The following FAM24B variants were observed in gnomAD, a reference collection of about 807,000 sequenced individuals.
FAM24B encodes family with sequence similarity 24 member B.
In FAM24B, 3 loss-of-function variants were observed where a neutral mutation model predicts 2.3. The ratio of observed to expected loss-of-function variants is 1.29; its 90% CI spans 0.59 to 3.32. FAM24B has a LOEUF of 3.32. Ranked by LOEUF, FAM24B falls within the 30% of genes most tolerant of loss-of-function variation. The pLI is 0.03. For synonymous variants in FAM24B, 36 were observed against 46.3 expected (o/e 0.78, Z 0.90); for missense variants, 98 against 117.2 (o/e 0.84, Z 0.76).
chr10:122,873,392 G>C (rs1251811684), intron 1 of FAM24B, among the ~76,000 whole-genome samples: 1 of 152,212 alleles, frequency 6.6e-6, no homozygotes, highest in African/African-American at 2.4e-5. Context: ...CAACACATTG[G>C]TTTACTGAAT....
chr10:122,871,315 T>C (rs1197045467), intron 1 of FAM24B, among the ~76,000 whole-genome samples: 4 of 152,218 alleles, frequency 2.6e-5, no homozygotes, highest in East Asian at 1.9e-4. Flanking sequence ...GAACATTCCA[T>C]GCTCATGGGT....
intron 1 of FAM24B, among the ~76,000 whole-genome samples, chr10:122,879,138 T>C (rs536292711): frequency 1.3e-5 from 2 of 152,304 alleles, no homozygotes; most frequent in Admixed American, 6.5e-5. Flanking sequence ...TTTCTCAACC[T>C]TCTGATTTCT....
At chr10:122,856,222 C>G (rs1847634907) in intron 1 of FAM24B, among the ~76,000 whole-genome samples, 1 of 152,202 alleles carries the variant, frequency 6.6e-6, no homozygotes, top group South Asian at 2.1e-4. Flanking sequence ...CAAGGAGACA[C>G]AATCAGCACA....
intron 1 of FAM24B, among the ~76,000 whole-genome samples, chr10:122,866,653 G>A (rs1847808567): frequency 6.6e-6 from 1 of 151,900 alleles, no homozygotes; most frequent in Admixed American, 6.6e-5. Context: ...AGCAATCTTT[G>A]ATGTTACTAT....
chr10:122,871,866 C>T (rs945648390), intron 1 of FAM24B, among the ~76,000 whole-genome samples: 3 of 152,296 alleles, frequency 2.0e-5, no homozygotes, highest in African/African-American at 7.2e-5. Flanking sequence ...CCATTCAGGA[C>T]ATAGGCATGG....
chr10:122,868,457 G>A (rs1163758183), intron 1 of FAM24B, among the ~76,000 whole-genome samples: 2 of 152,104 alleles, frequency 1.3e-5, no homozygotes, highest in South Asian at 4.1e-4. Context: ...TCCTGGAGAA[G>A]AGCAACTCCA....
chr10:122,870,946 C>A (rs531572043), intron 1 of FAM24B, among the ~76,000 whole-genome samples: 1 of 152,096 alleles, frequency 6.6e-6, no homozygotes, highest in Non-Finnish European at 1.5e-5. Flanking sequence ...GGCAATCAGG[C>A]AGAAGAAGGA....
intron 3 of FAM24B, among the ~76,000 whole-genome samples, 159 bp from the exon 4 acceptor site, chr10:122,849,598 C>T (rs949383005): frequency 3.9e-5 from 6 of 152,036 alleles, no homozygotes; most frequent in Admixed American, 3.9e-4. Context: ...AAGTTCCTCT[C>T]GAATCCTTTC....
chr10:122,858,352 A>G (rs1285083077), intron 1 of FAM24B, among the ~76,000 whole-genome samples: 1 of 147,406 alleles, frequency 6.8e-6, no homozygotes, highest in Admixed American at 6.8e-5. Flanking sequence ...GAACTGAACG[A>G]TGAGAACACT....
intron 1 of FAM24B, among the ~76,000 whole-genome samples, chr10:122,866,197 C>T (rs774565541): frequency 7.9e-5 from 12 of 152,048 alleles, no homozygotes; most frequent in Non-Finnish European, 1.3e-4. Flanking sequence ...CCACTGCACC[C>T]GACCTCCTTT....
chr10:122,852,712 T>C (rs1847563261), intron 2 of FAM24B, among the ~76,000 whole-genome samples: 4 of 152,232 alleles, frequency 2.6e-5, no homozygotes, highest in Admixed American at 2.6e-4. Context: ...CTCTGCTCTT[T>C]ATTCAGCCTT....
At chr10:122,860,692 G>A (rs1031027695) in intron 1 of FAM24B, among the ~76,000 whole-genome samples, 1 of 151,718 alleles carries the variant, frequency 6.6e-6, no homozygotes, top group African/African-American at 2.4e-5. Flanking sequence ...AATGTCAGAG[G>A]ACTTTTTTGT....
intron 1 of FAM24B, among the ~76,000 whole-genome samples, chr10:122,868,771 C>A (rs1290855238): frequency 1.3e-5 from 2 of 152,164 alleles, no homozygotes; most frequent in Non-Finnish European, 2.9e-5. Flanking sequence ...CCTAAAAGAC[C>A]TCCTGAAGGA....
intron 2 of FAM24B, among the ~76,000 whole-genome samples, chr10:122,854,761 A>G (rs1847607943): frequency 6.6e-6 from 1 of 152,220 alleles, no homozygotes; most frequent in Non-Finnish European, 1.5e-5. Flanking sequence ...GCGATTCCCA[A>G]TACAGGGGCT....
At chr10:122,873,907 C>T (rs2950361) in intron 1 of FAM24B, among the ~76,000 whole-genome samples, 2,164 of 152,238 alleles carry the variant, frequency 0.014, 31 homozygotes, top group East Asian at 0.069. Context: ...TGTTAATCTC[C>T]AAATATTTTA....
intron 1 of FAM24B, among the ~76,000 whole-genome samples, chr10:122,868,753 AG>A (rs1280958257): frequency 1.3e-5 from 2 of 152,244 alleles, no homozygotes; most frequent in Non-Finnish European, 2.9e-5. Context: ...TGTCACCACC[AG>A]GCCTGCCCTA....
Position 122,867,430 on chromosome 10 carries a change from T to C in FAM24B, c.-177-11644A>G, listed in dbSNP as rs1279544837. On this transcript the variant is annotated intron_variant, in intron 1 of 3. Coordinates refer to ENST00000368898, the MANE Select transcript of FAM24B (RefSeq NM_152644.3). ...GACTTAAATGTCCCTGTCTGACAGC[T>C]TTGAAGAGAGTAGTGGTTCTCCCAG... Among the ~76,000 whole-genome samples the C allele has an allele frequency of 2.6e-5, 4 of 152,148 alleles. No individual in the cohort carries two copies. In the East Asian group the frequency reaches 7.7e-4, roughly 29 times the overall value.
rs182708980 is a variant in FAM24B at position 122,869,708 on chromosome 10, C to T, written c.-178+9777G>A. ...TACTGGGTACATAACGAAATGAAGG[C>T]AGAAATAAAGAGGTTCTTTGAAACC... On this transcript the variant is annotated intron_variant, in intron 1 of 3. Coordinates refer to ENST00000368898, the MANE Select transcript of FAM24B (RefSeq NM_152644.3). Among the ~76,000 whole-genome samples the T allele has an allele frequency of 8.1e-3, 1,234 of 152,168 alleles. 21 individuals carry two copies. The highest frequency in any genetic ancestry group is 0.028 in the African/African-American group (1,168 of 41,492).
intron 1 of FAM24B, among the ~76,000 whole-genome samples, chr10:122,877,853 T>TTA (rs1479449904): frequency 3.9e-5 from 6 of 152,220 alleles, no homozygotes; most frequent in African/African-American, 1.2e-4. Flanking sequence ...TCTACTCCTG[T>TTA]TATACTGTGA....
Sources: allele counts gnomAD v4.1 joint callset (sites outside exome capture counted in the v4.1 genomes callset), GRCh38; gene constraint gnomAD v4.1.1; transcripts MANE v1.5; gene names NCBI Gene and HGNC (gene_info 2026-07-23, HGNC 2026-07-21).